Variants in VAV3 observed in about 807,000 individuals in gnomAD.
VAV3 encodes the protein guanine nucleotide exchange factor VAV3.
In VAV3, 94 loss-of-function variants were observed where a neutral mutation model predicts 131.2. The ratio of observed to expected loss-of-function variants is 0.72; its 90% CI spans 0.61 to 0.85. VAV3 has a LOEUF of 0.85. Ranked by LOEUF, VAV3 falls within the 40% of genes least tolerant of loss-of-function variation. The probability of loss-of-function intolerance (pLI) is 0.00; values close to 1 mark genes in which losing one functional copy is unlikely to be tolerated. For missense variants in VAV3, 939 were observed against 1,002.7 expected, an observed-to-expected ratio of 0.94 and a Z score of 0.86; for synonymous variants, 349 against 342.0, an observed-to-expected ratio of 1.02 and a Z score of -0.22.
chr1:107,605,805 T>A (rs1652218057), intron 22 of VAV3, among the ~76,000 whole-genome samples: 1 of 152,188 alleles, frequency 6.6e-6, no homozygotes, highest in African/African-American at 2.4e-5. Flanking sequence ...CCTGAATATA[T>A]CTCATGATGT....
At chr1:107,826,119 A>G (rs1357420832) in intron 2 of VAV3, among the ~76,000 whole-genome samples, 1 of 152,146 alleles carries the variant, frequency 6.6e-6, no homozygotes, top group Non-Finnish European at 1.5e-5. Flanking sequence ...AGGTTAGTAG[A>G]TTTAACTTAA....
intron 2 of VAV3, among the ~76,000 whole-genome samples, chr1:107,831,387 AG>A (rs1158311386): frequency 6.6e-6 from 1 of 152,246 alleles, no homozygotes; most frequent in Non-Finnish European, 1.5e-5. Context: ...CAAAATTGAC[AG>A]GGAAATGCAA....
At chr1:107,612,822 A>T (rs1356703287) in intron 21 of VAV3, among the ~76,000 whole-genome samples, 1 of 151,724 alleles carries the variant, frequency 6.6e-6, no homozygotes, top group Non-Finnish European at 1.5e-5. Context: ...ACTGCTTTAA[A>T]CTCACTCCAT....
chr1:107,687,568 G>C (rs991733464), intron 18 of VAV3, among the ~76,000 whole-genome samples: 7 of 152,028 alleles, frequency 4.6e-5, no homozygotes, highest in Non-Finnish European at 8.8e-5. Flanking sequence ...TTGTGGGGAG[G>C]GGCAGTCAGG....
intron 1 of VAV3, among the ~76,000 whole-genome samples, chr1:107,882,950 G>A (rs915573429): frequency 2.6e-5 from 4 of 152,152 alleles, no homozygotes; most frequent in Non-Finnish European, 5.9e-5. Flanking sequence ...GACATAAATG[G>A]AGAAGGGTTG....
chr1:107,769,984 G>C (rs943692198), intron 6 of VAV3, among the ~76,000 whole-genome samples: 14 of 152,154 alleles, frequency 9.2e-5, no homozygotes, highest in Admixed American at 3.3e-4. Flanking sequence ...AGAGGTTAAA[G>C]ACTTAAATCA....
At chr1:107,637,306 T>C (rs987465962) in intron 20 of VAV3, among the ~76,000 whole-genome samples, 24 of 152,260 alleles carry the variant, frequency 1.6e-4, no homozygotes, top group African/African-American at 5.1e-4. Flanking sequence ...AATAGCCATA[T>C]GTTTGTTTTA....
chr1:107,719,232 C>G (rs769647592), intron 15 of VAV3, among the ~76,000 whole-genome samples: 25 of 152,214 alleles, frequency 1.6e-4, no homozygotes, highest in Admixed American at 3.3e-4. Context: ...TAAAGAGCTT[C>G]TGCACGGCAA....
intron 1 of VAV3, among the ~76,000 whole-genome samples, chr1:107,893,614 C>T (rs1459689050): frequency 9.9e-5 from 15 of 152,142 alleles, no homozygotes; most frequent in Middle Eastern, 3.4e-3. Flanking sequence ...TTTATAAAAC[C>T]ATCAGATCTC....
intron 1 of VAV3, among the ~76,000 whole-genome samples, chr1:107,888,602 G>A (rs1312579626): frequency 6.6e-6 from 1 of 152,114 alleles, no homozygotes; most frequent in South Asian, 2.1e-4. Flanking sequence ...GGGATGACAG[G>A]TGCCCGCCAA....
At chr1:107,809,966 A>G (rs1368946025) in intron 2 of VAV3, among the ~76,000 whole-genome samples, 1 of 152,240 alleles carries the variant, frequency 6.6e-6, no homozygotes, top group Non-Finnish European at 1.5e-5. Flanking sequence ...GCTACTAGAA[A>G]ATGATACATT....
At chr1:107,927,393 T>G (rs1037055278) in intron 1 of VAV3, among the ~76,000 whole-genome samples, 1 of 152,070 alleles carries the variant, frequency 6.6e-6, no homozygotes, top group Non-Finnish European at 1.5e-5. Flanking sequence ...TGGAGAGAGA[T>G]GCCTTCTGTT....
intron 2 of VAV3, among the ~76,000 whole-genome samples, chr1:107,783,800 G>C (rs911909021): frequency 6.6e-6 from 1 of 151,534 alleles, no homozygotes. Context: ...TGTAATCCCA[G>C]CACTTTGGGA....
intron 1 of VAV3, among the ~76,000 whole-genome samples, chr1:107,926,175 G>C (rs549928569): frequency 6.6e-6 from 1 of 152,066 alleles, no homozygotes; most frequent in Non-Finnish European, 1.5e-5. Context: ...CCAGCTACTC[G>C]CGAGGCTGAG....
chr1:107,887,489 T>C (rs1671092312), intron 1 of VAV3, among the ~76,000 whole-genome samples: 1 of 152,234 alleles, frequency 6.6e-6, no homozygotes, highest in Non-Finnish European at 1.5e-5. Flanking sequence ...ATTCTGGCTT[T>C]TTATGAATCT....
chr1:107,683,681 T>G (rs1570748136), intron 18 of VAV3, 148 bp from the exon 19 acceptor site: 1 of 780,594 alleles, frequency 1.3e-6, no homozygotes, highest in East Asian at 2.7e-5. Flanking sequence ...GAATATGGTT[T>G]TAAAGTTTGT....
intron 2 of VAV3, among the ~76,000 whole-genome samples, chr1:107,814,763 T>C (rs1422383569): frequency 6.6e-6 from 1 of 152,158 alleles, no homozygotes; most frequent in Non-Finnish European, 1.5e-5. Context: ...AGAGGTATGA[T>C]GAAAACAGTG....
chr1:107,715,479 A>T (rs1377986509), intron 15 of VAV3, among the ~76,000 whole-genome samples: 1 of 152,166 alleles, frequency 6.6e-6, no homozygotes, highest in Non-Finnish European at 1.5e-5. Flanking sequence ...AACATGTAAT[A>T]AGCATATTAA....
chr1:107,755,664 A>C, intron 11 of VAV3, 151 bp from the exon 12 acceptor site: 1 of 606,514 alleles, frequency 1.6e-6, no homozygotes, highest in Non-Finnish European at 2.9e-6. Context: ...CAGTCAATCA[A>C]AGCTGCATCA....
Sources: allele counts gnomAD v4.1 joint callset (sites outside exome capture counted in the v4.1 genomes callset), GRCh38; gene constraint gnomAD v4.1.1; transcripts MANE v1.5; gene names NCBI Gene and HGNC (gene_info 2026-07-23, HGNC 2026-07-21).